The following SOD2 variants were observed in gnomAD, a reference collection of about 807,000 sequenced individuals.
SOD2 encodes superoxide dismutase 2, also known as superoxide dismutase [Mn], mitochondrial.
A neutral mutation model predicts 27.0 loss-of-function variants in SOD2; 11 were observed. The observed-to-expected ratio is 0.41, with a 90% CI of 0.26 to 0.67. The LOEUF (loss-of-function observed/expected upper bound fraction) is 0.67, where lower values mean the gene tolerates loss of function less well. Among genes scored for constraint, SOD2 ranks in the 30% least tolerant of loss-of-function variants. SOD2 has a pLI of 0.34. For missense variants in SOD2, 250 were observed against 274.5 expected (o/e 0.91, Z 0.63); for synonymous variants, 105 against 103.0 (o/e 1.02, Z -0.12).
At chr6:159,689,025 G>A (rs1780323614) in intron 2 of SOD2, among the ~76,000 whole-genome samples, 1 of 152,176 alleles carries the variant, frequency 6.6e-6, no homozygotes, top group African/African-American at 2.4e-5. Context: ...GGGTGGGGGT[G>A]GGCCTTGCCC....
intron 1 of SOD2, chr6:159,726,905 T>C (rs996672987): frequency 4.4e-5 from 57 of 1,288,874 alleles, no homozygotes; most frequent in Non-Finnish European, 1.8e-5. Context: ...ACGGCCTCTC[T>C]CTTGAGGTGG....
intron 1 of SOD2, among the ~76,000 whole-genome samples, chr6:159,714,467 C>G (rs1777889952): frequency 6.6e-6 from 1 of 152,180 alleles, no homozygotes; most frequent in Non-Finnish European, 1.5e-5. Context: ...ACTCCCCAGG[C>G]AGGGCCTGGG....
upstream of SOD2, among the ~76,000 whole-genome samples, chr6:159,697,549 G>T (rs1777445508): frequency 6.6e-6 from 1 of 152,190 alleles, no homozygotes; most frequent in South Asian, 2.1e-4. Context: ...CTACTGGAAA[G>T]GAAAGGAGGA....
intron 3 of SOD2, among the ~76,000 whole-genome samples, chr6:159,687,582 G>T (rs554540441): frequency 6.6e-6 from 1 of 152,098 alleles, no homozygotes; most frequent in African/African-American, 2.4e-5. Flanking sequence ...TTCTATGTTG[G>T]CGTGAACATA....
chr6:159,745,949 T>C (rs374449449), upstream of SOD2, among the ~76,000 whole-genome samples: 1 of 152,266 alleles, frequency 6.6e-6, no homozygotes, highest in South Asian at 2.1e-4. Flanking sequence ...AATCACAGCT[T>C]CAGGTTTGTC....
intron 1 of SOD2, among the ~76,000 whole-genome samples, chr6:159,737,762 A>T (rs1779010316): frequency 6.6e-6 from 1 of 152,186 alleles, no homozygotes; most frequent in Non-Finnish European, 1.5e-5. Context: ...AAAGTGCAGG[A>T]GGCATGAGCC....
At chr6:159,731,884 C>T (rs1488135298), upstream of SOD2, among the ~76,000 whole-genome samples, 1 of 151,978 alleles carries the variant, frequency 6.6e-6, no homozygotes, top group Non-Finnish European at 1.5e-5. Flanking sequence ...CTTTTAATGC[C>T]CTTTAAAAAC....
chr6:159,705,283 C>T (rs1290836772), intron 1 of SOD2, among the ~76,000 whole-genome samples: 3 of 152,084 alleles, frequency 2.0e-5, no homozygotes, highest in Admixed American at 6.5e-5. Flanking sequence ...ATGACTTTGA[C>T]GAGTTGAGAG....
Position 159,711,592 on chromosome 6 carries a change from ACCATAACCACCT to A in SOD2, c.-116+15525_-116+15536del, listed in dbSNP as rs1245091801. On this transcript the variant is annotated intron_variant, in intron 1 of 2. Coordinates refer to the SOD2 transcript ENST00000401980. ...AACCACCACTCACACTGCTCTGACC[ACCATAACCACCT>A]CCATAACCACCACTCAGCTGCTCTG... Among the ~76,000 whole-genome samples the A allele has an allele frequency of 4.0e-4, 33 of 82,888 alleles. 2 individuals carry two copies. Among genetic ancestry groups the A allele is most frequent in the Non-Finnish European group, 5.0e-4 (20 of 39,718 alleles). 54.4% of individuals were successfully genotyped at this position (82,888 alleles called of 152,430 possible).
chr6:159,731,287 C>G (rs546962816), upstream of SOD2, among the ~76,000 whole-genome samples: 1 of 151,622 alleles, frequency 6.6e-6, no homozygotes, highest in Admixed American at 6.6e-5. Flanking sequence ...ATAGCAAGAC[C>G]TCATCTCTAC....
upstream of SOD2, among the ~76,000 whole-genome samples, chr6:159,731,965 G>A (rs969472609): frequency 2.0e-5 from 3 of 150,410 alleles, no homozygotes; most frequent in Admixed American, 6.6e-5. Flanking sequence ...ATGGATACCT[G>A]TCTTTAAGAA....
rs1779700670 is a variant in SOD2 at position 159,672,935 on chromosome 6, C to T, written c.*9558G>A. ...AGCAAACGGAAAACAAAAAAAAAGG[C>T]CGGGGTTGCAATCCTAGTCTCTGAT... On this transcript the variant is annotated 3_prime_UTR_variant, in exon 5 of 5. Coordinates refer to ENST00000538183, the MANE Select transcript of SOD2 (RefSeq NM_000636.4). The T allele has an allele frequency of 1.3e-5, 2 of 151,996 alleles. No homozygotes were observed. The highest frequency in any genetic ancestry group is 4.8e-5 in the African/African-American group (2 of 41,372). 9.4% of individuals were successfully genotyped at this position (151,996 alleles called of 1,614,324 possible). A position where few individuals can be genotyped will look rare whatever the true frequency, so the allele number is the denominator to read the frequency against.
chr6:159,714,227 C>T (rs1777883518), intron 1 of SOD2, among the ~76,000 whole-genome samples: 1 of 152,196 alleles, frequency 6.6e-6, no homozygotes, highest in African/African-American at 2.4e-5. Flanking sequence ...GCCCTCACCT[C>T]CCTAGACGTC....
upstream of SOD2, among the ~76,000 whole-genome samples, chr6:159,745,750 A>C (rs1250699371): frequency 6.6e-6 from 1 of 152,204 alleles, no homozygotes; most frequent in African/African-American, 2.4e-5. Flanking sequence ...TGAGTATGAA[A>C]GATAGATTTG....
At chr6:159,740,415 C>A (rs1779182832) in intron 1 of SOD2, among the ~76,000 whole-genome samples, 1 of 151,946 alleles carries the variant, frequency 6.6e-6, no homozygotes, top group Non-Finnish European at 1.5e-5. Context: ...TCTTTGATTC[C>A]CTTGGAGATT....
intron 3 of SOD2, among the ~76,000 whole-genome samples, chr6:159,687,848 T>G (rs919395635): frequency 6.6e-6 from 1 of 151,696 alleles, no homozygotes; most frequent in African/African-American, 2.4e-5. Flanking sequence ...TCATCTCTAC[T>G]AAAAATGCAA....
In SOD2 at chr6:159,693,203, T is replaced by G. The variant is rs764622842; in HGVS notation, c.-36A>C. On this transcript the variant is annotated 5_prime_UTR_variant, in exon 1 of 5. Coordinates refer to ENST00000538183, the MANE Select transcript of SOD2 (RefSeq NM_000636.4). ...CTGGTGCTACCGCTGATGCCGCCGA[T>G]CTGCTGAAGCCGCTGCCGAAGCCAC... 16 of 1,515,726 alleles carry G rather than the reference T, an allele frequency of 1.1e-5. No homozygotes were observed. The highest frequency in any genetic ancestry group is 4.2e-5 in the Admixed American group (2 of 47,918). 93.9% of individuals were successfully genotyped at this position (1,515,726 alleles called of 1,614,324 possible). A position where few individuals can be genotyped will look rare whatever the true frequency, so the allele number is the denominator to read the frequency against.
rs542346107 is a variant in SOD2, at chr6:159,681,109, A to T, written c.*1384T>A. On this transcript the variant is annotated 3_prime_UTR_variant, in exon 5 of 5. Coordinates refer to ENST00000538183, the MANE Select transcript of SOD2 (RefSeq NM_000636.4). ...GATGAAACAACATGGCAAATGTATG[A>T]TGCTAAGCCAAATATACAAAAAGAT... 1.3e-5 allele frequency: 2 copies of T among 152,324 alleles called. No individual in the cohort carries two copies. The highest frequency in any genetic ancestry group is 2.1e-4 in the South Asian group (1 of 4,820). 9.4% of individuals were successfully genotyped at this position (152,324 alleles called of 1,614,324 possible).
intron 1 of SOD2, chr6:159,755,233 T>G: frequency 1.2e-6 from 2 of 1,614,168 alleles, no homozygotes; most frequent in Non-Finnish European, 1.7e-6. Context: ...AAGACTGCAG[T>G]CGTCTGACAA....
Sources: gnomAD v4.1 joint callset for allele counts (sites outside exome capture counted in the v4.1 genomes callset) on GRCh38, gnomAD v4.1.1 for gene constraint, MANE v1.5 for transcripts, NCBI Gene and HGNC (gene_info 2026-07-23, HGNC 2026-07-21) for gene names.